The following LDLRAD4 variants were observed in gnomAD, a reference collection of about 807,000 sequenced individuals.
LDLRAD4 encodes the protein low density lipoprotein receptor class A domain containing 4.
Under a neutral mutation model 17.0 loss-of-function variants are expected in LDLRAD4, and 5 were observed. The ratio of observed to expected loss-of-function variants is 0.29; its 90% CI spans 0.15 to 0.62. The LOEUF is 0.62. LDLRAD4 is among the 20% of genes least tolerant of loss of function. The pLI, the probability that LDLRAD4 is intolerant of heterozygous loss-of-function variation, is 0.84. For synonymous variants in LDLRAD4, 168 were observed against 171.8 expected (o/e 0.98, Z 0.17); for missense variants, 340 against 424.7 (o/e 0.80, Z 1.75).
At chr18:13,551,670 A>C (rs528508799) in intron 3 of LDLRAD4, among the ~76,000 whole-genome samples, 1 of 152,112 alleles carries the variant, frequency 6.6e-6, no homozygotes. Flanking sequence ...GTCCTCTGCC[A>C]GGGAGAGAAA....
At chr18:13,270,232 G>C (rs1177434387) in intron 1 of LDLRAD4, among the ~76,000 whole-genome samples, 3 of 152,068 alleles carry the variant, frequency 2.0e-5, no homozygotes, top group African/African-American at 4.8e-5. Context: ...GCCTGGTGGC[G>C]TGCCTACCTG....
intron 3 of LDLRAD4, among the ~76,000 whole-genome samples, chr18:13,566,653 G>A (rs968414986): frequency 1.3e-5 from 2 of 152,112 alleles, no homozygotes; most frequent in African/African-American, 4.8e-5. Context: ...GAGACGCTGC[G>A]CCCAGCCAAG....
At chr18:13,481,906 G>C (rs963855496) in intron 3 of LDLRAD4, among the ~76,000 whole-genome samples, 1 of 152,180 alleles carries the variant, frequency 6.6e-6, no homozygotes, top group Admixed American at 6.5e-5. Context: ...GGGCAGGAGG[G>C]GGAAGGCAGA....
intron 3 of LDLRAD4, among the ~76,000 whole-genome samples, chr18:13,462,837 G>T (rs1194296785): frequency 6.6e-6 from 1 of 152,134 alleles, no homozygotes; most frequent in Non-Finnish European, 1.5e-5. Flanking sequence ...AGCCAGAGAG[G>T]TTCAGCCTTT....
chr18:13,621,188 C>A lies in LDLRAD4; in HGVS notation c.253C>A (p.Leu85Met). Residue 85 changes from leucine to methionine, a missense_variant, in exon 4 of 6, where the codon CTG becomes ATG. By Grantham distance (15) the Leu-to-Met change is conservative (BLOSUM62 2). Transcript: ENST00000359446. The surrounding 1 kb of genome is among the most constrained non-coding windows in gnomAD (Gnocchi z 5.5). The stretch of plus-strand genomic sequence containing the variant: ...GGTGATGGTGGTGGTCATCGTCTGC[C>A]TGCTGAACCACTACAAAGTCTCCAC... 1 of 1,614,180 alleles carries A rather than the reference C, an allele frequency of 6.2e-7. No individual in the cohort carries two copies. The highest frequency in any genetic ancestry group is 1.3e-5 in the African/African-American group (1 of 75,068).
At chr18:13,429,505 T>G (rs2090183224) in intron 2 of LDLRAD4, among the ~76,000 whole-genome samples, 1 of 152,230 alleles carries the variant, frequency 6.6e-6, no homozygotes, top group South Asian at 2.1e-4. Flanking sequence ...ATTTTTAAAG[T>G]TACCTGTCAT....
chr18:13,591,232 A>G (rs1262684582), intron 3 of LDLRAD4, among the ~76,000 whole-genome samples: 1 of 152,222 alleles, frequency 6.6e-6, no homozygotes, highest in African/African-American at 2.4e-5. Context: ...AAAAGTAATG[A>G]TTGGTCTAAA....
intron 1 of LDLRAD4, among the ~76,000 whole-genome samples, chr18:13,290,134 T>TGCTGATGGGGCACCC (rs1465871405): frequency 6.6e-6 from 1 of 152,230 alleles, no homozygotes; most frequent in Non-Finnish European, 1.5e-5. Flanking sequence ...GCCTCCCCTT[T>TGCTGATGGGGCACCC]GCTGATGGGG....
intron 2 of LDLRAD4, among the ~76,000 whole-genome samples, chr18:13,388,682 C>G (rs912015499): frequency 1.3e-5 from 2 of 152,216 alleles, no homozygotes; most frequent in Non-Finnish European, 2.9e-5. Context: ...TGGCATGGGC[C>G]TTCTCCTTGG....
chr18:13,465,405 A>T (rs776771646), intron 3 of LDLRAD4, among the ~76,000 whole-genome samples: 1 of 152,258 alleles, frequency 6.6e-6, no homozygotes, highest in Non-Finnish European at 1.5e-5. Context: ...GGCTCATATC[A>T]TGTCAGGAAA....
rs569193291 is a variant in LDLRAD4, at chr18:13,328,051, C to T, written c.-383+49863C>T. 4.6e-5 allele frequency among the ~76,000 whole-genome samples: 7 copies of T among 152,272 alleles called. No individual in the cohort carries two copies. In the South Asian group the frequency reaches 8.3e-4, roughly 18 times the overall value. ...GACCACCATCAGGCTCTCCTCCCTG[C>T]GGGCTAGAAGCTCCATACTCATTTC... On this transcript the variant is annotated intron_variant, in intron 1 of 5. Coordinates refer to ENST00000359446, the Ensembl canonical transcript of LDLRAD4.
chr18:13,262,612 G>A (rs1405860233), intron 1 of LDLRAD4, among the ~76,000 whole-genome samples: 2 of 93,096 alleles, frequency 2.1e-5, no homozygotes, highest in South Asian at 4.2e-4. Flanking sequence ...GTGCGGCCCT[G>A]TGCGTGGAAA....
intron 3 of LDLRAD4, chr18:13,613,033 C>T (rs2039750419): frequency 7.9e-6 from 3 of 378,982 alleles, no homozygotes; most frequent in South Asian, 9.9e-5. Flanking sequence ...CATGAGTACA[C>T]AGTTTGTTGC....
intron 1 of LDLRAD4, among the ~76,000 whole-genome samples, chr18:13,270,965 A>G (rs1444573813): frequency 6.6e-6 from 1 of 152,238 alleles, no homozygotes; most frequent in East Asian, 1.9e-4. Flanking sequence ...ACATGTGTAC[A>G]TATTGCATTT....
intron 3 of LDLRAD4, chr18:13,610,994 C>T (rs888807120): frequency 1.3e-5 from 2 of 153,864 alleles, no homozygotes; most frequent in African/African-American, 2.4e-5. Context: ...TCTCTGGTTT[C>T]CTTTTATCCA....
intron 2 of LDLRAD4, chr18:13,426,193 T>C (rs78167209): frequency 6.6e-6 from 1 of 152,276 alleles, no homozygotes; most frequent in African/African-American, 2.4e-5. Flanking sequence ...GGATAATGGG[T>C]TTTAAGCCCC....
At chr18:13,329,331 T>G (rs1404177895) in intron 1 of LDLRAD4, among the ~76,000 whole-genome samples, 1 of 152,252 alleles carries the variant, frequency 6.6e-6, no homozygotes, top group Non-Finnish European at 1.5e-5. Context: ...TTATCAGTTT[T>G]TTAAAGGTTT....
At chr18:13,330,569 A>G (rs1304900330) in intron 1 of LDLRAD4, among the ~76,000 whole-genome samples, 1 of 152,296 alleles carries the variant, frequency 6.6e-6, no homozygotes, top group East Asian at 1.9e-4. Context: ...GGATCTGATT[A>G]TTTGTAGCCT....
intron 1 of LDLRAD4, among the ~76,000 whole-genome samples, chr18:13,319,551 A>C (rs1452106009): frequency 6.6e-6 from 1 of 152,202 alleles, no homozygotes; most frequent in Non-Finnish European, 1.5e-5. Flanking sequence ...GTCTCTCTCT[A>C]AAAGTTATCA....
Sources: gnomAD v4.1 joint callset for allele counts (sites outside exome capture counted in the v4.1 genomes callset) on GRCh38, gnomAD v4.1.1 for gene constraint, Gnocchi (gnomAD v3.1) non-coding constraint, MANE v1.5 for transcripts, NCBI Gene and HGNC (gene_info 2026-07-23, HGNC 2026-07-21) for gene names.